Variants in DNAH14 observed in about 807,000 individuals in gnomAD.
The protein encoded by DNAH14 is dynein axonemal heavy chain 14, also known as axonemal beta dynein heavy chain 14.
In DNAH14, 478 loss-of-function variants were observed where a neutral mutation model predicts 520.9. That is an observed-to-expected ratio of 0.92 (90% CI 0.85 to 0.99). DNAH14 has a LOEUF of 0.99. DNAH14 is among the 50% of genes least tolerant of loss of function. The probability of loss-of-function intolerance (pLI) is 0.00; values close to 1 mark genes in which losing one functional copy is unlikely to be tolerated. For synonymous variants in DNAH14, 1,581 were observed against 1,757.2 expected, an observed-to-expected ratio of 0.90 and a Z score of 2.51; for missense variants, 4,831 against 5,234.5, an observed-to-expected ratio of 0.92 and a Z score of 2.38.
chr1:225,398,382 T>C, intron 84 of DNAH14, 138 bp from the exon 85 acceptor site: 3 of 1,038,356 alleles, frequency 2.9e-6, no homozygotes, highest in Non-Finnish European at 2.7e-6. Context: ...AAAAAATAAG[T>C]ATTCACCTTA....
chr1:225,384,827 G>T (rs2095821703), intron 81 of DNAH14, among the ~76,000 whole-genome samples: 1 of 152,178 alleles, frequency 6.6e-6, no homozygotes, highest in Non-Finnish European at 1.5e-5. Context: ...CATTCCTTCT[G>T]AAACTATTCC....
intron 49 of DNAH14, among the ~76,000 whole-genome samples, chr1:225,267,321 A>C (rs1354677041): frequency 1.4e-5 from 2 of 143,732 alleles, no homozygotes; most frequent in Non-Finnish European, 3.0e-5. Context: ...TTGAGATGGA[A>C]TCTCGCTCTG....
At chr1:225,229,857 T>C (rs2149561378) in intron 41 of DNAH14, among the ~76,000 whole-genome samples, 1 of 152,268 alleles carries the variant, frequency 6.6e-6, no homozygotes, top group South Asian at 2.1e-4. Flanking sequence ...ATGGTACATG[T>C]ATACCTATGT....
intron 21 of DNAH14, among the ~76,000 whole-genome samples, chr1:225,093,497 C>G (rs1397755292): frequency 6.6e-6 from 1 of 152,040 alleles, no homozygotes; most frequent in Non-Finnish European, 1.5e-5. Flanking sequence ...ATGATAAAAG[C>G]CATATATGAC....
At chr1:225,313,482 G>A (rs936881818) in intron 60 of DNAH14, among the ~76,000 whole-genome samples, 2 of 152,058 alleles carry the variant, frequency 1.3e-5, no homozygotes, top group African/African-American at 4.8e-5. Flanking sequence ...TCTTCTGCTA[G>A]CTTTTGAATT....
chr1:225,210,508 A>C (rs1178898183), intron 41 of DNAH14, among the ~76,000 whole-genome samples: 2 of 151,594 alleles, frequency 1.3e-5, no homozygotes, highest in Non-Finnish European at 2.9e-5. Context: ...GCAGCAGCCC[A>C]AGTCAGGGGC....
chr1:225,195,863 T>C (rs1399909750), intron 38 of DNAH14, among the ~76,000 whole-genome samples: 2 of 152,066 alleles, frequency 1.3e-5, no homozygotes, highest in Non-Finnish European at 2.9e-5. Context: ...ATAGTGAATA[T>C]TTTCAGTGTT....
At chr1:225,129,265 G>A (rs916089850) in intron 27 of DNAH14, among the ~76,000 whole-genome samples, 1 of 152,092 alleles carries the variant, frequency 6.6e-6, no homozygotes, top group African/African-American at 2.4e-5. Flanking sequence ...TAGATTCAAT[G>A]CCATCCCCAT....
rs1198962493 is a variant in DNAH14, at chr1:225,351,628, A to G, written c.11297-19A>G. The G allele has an allele frequency of 4.6e-6, 7 of 1,520,610 alleles. No homozygotes were observed. Among genetic ancestry groups the G allele is most frequent in the Non-Finnish European group, 6.2e-6 (7 of 1,126,972 alleles). The allele number at this position is 1,520,610 out of a possible 1,614,324, so 94.2% of individuals were successfully genotyped here. A position where few individuals can be genotyped will look rare whatever the true frequency, so the allele number is the denominator to read the frequency against. ...AAGGTTTATCTCTTCTAATGTGATC[A>G]TCTTTCTTTTTTTATCAGGCACATT... is the stretch of plus-strand genomic sequence containing the variant. On this transcript the variant is annotated intron_variant, in intron 71 of 85. Coordinates refer to ENST00000682510, the MANE Select transcript of DNAH14 (RefSeq NM_001367479.1).
intron 37 of DNAH14, among the ~76,000 whole-genome samples, chr1:225,186,424 A>G (rs1205832834): frequency 1.3e-5 from 2 of 151,916 alleles, no homozygotes; most frequent in Non-Finnish European, 3.0e-5. Flanking sequence ...AAAAGGTCCA[A>G]GCAGGGTGCC....
chr1:225,167,069 G>A (rs2082102951), intron 35 of DNAH14, among the ~76,000 whole-genome samples: 1 of 152,166 alleles, frequency 6.6e-6, no homozygotes, highest in Non-Finnish European at 1.5e-5. Flanking sequence ...GGATTCATAA[G>A]TTCAGGCCTG....
At chr1:225,034,996 CTATTT>C (rs932692982) in intron 11 of DNAH14, among the ~76,000 whole-genome samples, 1 of 151,496 alleles carries the variant, frequency 6.6e-6, no homozygotes, top group African/African-American at 2.4e-5. Context: ...AGTAGCCTCT[CTATTT>C]TATTAATTTT....
At chr1:225,016,219 C>T (rs1007808267) in intron 10 of DNAH14, among the ~76,000 whole-genome samples, 2 of 152,152 alleles carry the variant, frequency 1.3e-5, no homozygotes, top group African/African-American at 4.8e-5. Flanking sequence ...TCAGATTTAA[C>T]TTTTTAAGTT....
At chr1:225,296,229 C>A (rs1300307826) in intron 55 of DNAH14, among the ~76,000 whole-genome samples, 1 of 152,014 alleles carries the variant, frequency 6.6e-6, no homozygotes, top group Non-Finnish European at 1.5e-5. Flanking sequence ...CAGTCTATAT[C>A]TTTTCTTAAA....
intron 17 of DNAH14, among the ~76,000 whole-genome samples, chr1:225,057,030 A>C (rs1217781714): frequency 6.6e-6 from 1 of 152,150 alleles, no homozygotes; most frequent in African/African-American, 2.4e-5. Context: ...TTTTGGTTCC[A>C]TAGGAACTTT....
At chr1:225,171,825 T>C (rs1056303113) in intron 36 of DNAH14, among the ~76,000 whole-genome samples, 1 of 151,984 alleles carries the variant, frequency 6.6e-6, no homozygotes, top group Non-Finnish European at 1.5e-5. Flanking sequence ...AAAAAGAATT[T>C]TAGACCAGTA....
chr1:225,240,870 A>T, intron 43 of DNAH14, 48 bp downstream of exon 43: 1 of 1,244,276 alleles, frequency 8.0e-7, no homozygotes, highest in Non-Finnish European at 1.1e-6. Flanking sequence ...TAAAATATTA[A>T]TTTAAAGCAA....
At chr1:224,953,262 A>G (rs1215994542) in intron 2 of DNAH14, among the ~76,000 whole-genome samples, 1 of 151,918 alleles carries the variant, frequency 6.6e-6, no homozygotes, top group African/African-American at 2.4e-5. Context: ...AGCTGGGGTT[A>G]CAGGTGCCCA....
At chr1:225,032,219 T>A (rs1212786827) in intron 11 of DNAH14, among the ~76,000 whole-genome samples, 2 of 152,018 alleles carry the variant, frequency 1.3e-5, no homozygotes, top group Non-Finnish European at 2.9e-5. Flanking sequence ...TTTCTGCCCC[T>A]CTCCCTCCTT....
Sources: allele counts gnomAD v4.1 joint callset (sites outside exome capture counted in the v4.1 genomes callset), GRCh38; gene constraint gnomAD v4.1.1; transcripts MANE v1.5; gene names NCBI Gene and HGNC (gene_info 2026-07-23, HGNC 2026-07-21).